Variants in ARMC8 observed in about 807,000 individuals in gnomAD.
The protein encoded by ARMC8 is armadillo repeat-containing protein 8.
ARMC8 carries 20 observed loss-of-function variants against 99.3 expected under a neutral mutation model. That is an observed-to-expected ratio of 0.20 (90% CI 0.14 to 0.29). The LOEUF (loss-of-function observed/expected upper bound fraction) is 0.29, where lower values mean the gene tolerates loss of function less well. ARMC8 is among the 10% of genes least tolerant of loss of function. ARMC8 has a pLI of 1.00. For missense variants in ARMC8, 569 were observed against 809.5 expected (o/e 0.70, Z 3.60); for synonymous variants, 263 against 278.3 (o/e 0.95, Z 0.55).
rs1576686064 is a variant in ARMC8 at position 138,229,178 on chromosome 3, A to ATATATATATATATATGTATGTATATG, written c.528+173_528+174insATATATATATGTATGTATATGTATAT. The ATATATATATATATATGTATGTATATG allele has an allele frequency of 6.2e-5, 2 of 32,078 alleles. 1 individual carries two copies. Among genetic ancestry groups the ATATATATATATATATGTATGTATATG allele is most frequent in the Non-Finnish European group, 1.3e-4 (2 of 15,544 alleles). 2.0% of individuals were successfully genotyped at this position (32,078 alleles called of 1,614,324 possible). ...TATATATATATATATATATATATAT[A>ATATATATATATATATGTATGTATATG]TATATGTATATGTATATGTATATGT... On this transcript the variant is annotated intron_variant, in intron 6 of 21. Coordinates refer to ENST00000469044, the MANE Select transcript of ARMC8 (RefSeq NM_001363941.2).
chr3:138,263,914 A>G (rs1560010742), intron 13 of ARMC8, 93 bp downstream of exon 13: 14 of 1,209,824 alleles, frequency 1.2e-5, no homozygotes, highest in Non-Finnish European at 1.6e-5. Context: ...CAGACTACAA[A>G]TGTTCCTCAA....
At chr3:138,208,242 C>T (rs568384956) in intron 1 of ARMC8, among the ~76,000 whole-genome samples, 8 of 152,146 alleles carry the variant, frequency 5.3e-5, no homozygotes, top group East Asian at 3.9e-4. Flanking sequence ...CCAAGGCGGG[C>T]GGATCACGAG....
chr3:138,225,960 A>G (rs903655151), intron 5 of ARMC8, among the ~76,000 whole-genome samples: 1 of 152,154 alleles, frequency 6.6e-6, no homozygotes, highest in Non-Finnish European at 1.5e-5. Context: ...CACCTCACAC[A>G]GTAGGGAGCA....
intron 6 of ARMC8, among the ~76,000 whole-genome samples, chr3:138,234,708 A>T (rs2046241342): frequency 6.6e-6 from 1 of 152,206 alleles, no homozygotes. Context: ...CTGTGGTGGC[A>T]TTCTATTTAA....
rs747721067 is a variant in ARMC8, at chr3:138,264,200, A to G, written c.1287A>G (p.Lys429=). The change falls in exon 14 of 22, where the codon AAA becomes AAG. Residue 429 remains lysine, a synonymous_variant. Coordinates refer to ENST00000469044, the MANE Select transcript of ARMC8 (RefSeq NM_001363941.2). ...GTTTCCAGGATCATGCTGTTTGGAA[A>G]CCTTTAATGAAGGTAAGAAGAAAGG... is the stretch of plus-strand genomic sequence containing the variant. The part of the protein sequence containing the change: ...RTSFQDHAVW[K]PLMKVLQNAP... 2 of 1,613,670 alleles carry G rather than the reference A, an allele frequency of 1.2e-6. No individual in the cohort carries two copies. Among genetic ancestry groups the G allele is most frequent in the South Asian group, 2.2e-5 (2 of 91,052 alleles).
At chr3:138,295,815 T>A (rs1228801150) in intron 21 of ARMC8, 44 bp from the exon 22 acceptor site, 1 of 1,609,064 alleles carries the variant, frequency 6.2e-7, no homozygotes, top group Admixed American at 1.7e-5. Context: ...TTTACCCCAA[T>A]TACAATTCTG....
At chr3:138,226,000 T>C (rs374975959) in intron 5 of ARMC8, among the ~76,000 whole-genome samples, 8 of 152,266 alleles carry the variant, frequency 5.3e-5, no homozygotes, top group African/African-American at 1.9e-4. Context: ...TATTTTCTTT[T>C]ATTTATTTTT....
intron 10 of ARMC8, among the ~76,000 whole-genome samples, chr3:138,240,499 T>C (rs2046558927): frequency 6.6e-6 from 1 of 152,356 alleles, no homozygotes; most frequent in Middle Eastern, 3.4e-3. Flanking sequence ...GTTAGTAGTA[T>C]ATTCTTCACA....
chr3:138,252,327 A>G (rs1332974458), intron 12 of ARMC8, among the ~76,000 whole-genome samples: 1 of 152,150 alleles, frequency 6.6e-6, no homozygotes, highest in Non-Finnish European at 1.5e-5. Context: ...GTTTTGCACT[A>G]CCGAGGCAAG....
At chr3:138,189,148 A>G (rs2107930942) in intron 1 of ARMC8, among the ~76,000 whole-genome samples, 1 of 152,256 alleles carries the variant, frequency 6.6e-6, no homozygotes, top group South Asian at 2.1e-4. Flanking sequence ...ATATGATTGA[A>G]AGTTTTCATT....
At chr3:138,222,834 G>A (rs902518829) in intron 3 of ARMC8, among the ~76,000 whole-genome samples, 1 of 152,176 alleles carries the variant, frequency 6.6e-6, no homozygotes, top group Non-Finnish European at 1.5e-5. Context: ...GTTAGGGTTT[G>A]GGGAGTATTT....
intron 1 of ARMC8, among the ~76,000 whole-genome samples, chr3:138,190,544 C>T (rs1247303694): frequency 3.3e-5 from 5 of 152,200 alleles, no homozygotes; most frequent in South Asian, 2.1e-4. Flanking sequence ...CCACCTTGGC[C>T]TCCCAAAGTG....
intron 18 of ARMC8, among the ~76,000 whole-genome samples, chr3:138,277,913 C>CAA (rs1317537196): frequency 4.6e-5 from 7 of 152,156 alleles, no homozygotes; most frequent in Non-Finnish European, 8.8e-5. Flanking sequence ...ATATCACAGT[C>CAA]ACAATAAAGA....
intron 1 of ARMC8, among the ~76,000 whole-genome samples, chr3:138,208,102 G>A (rs73227558): frequency 1.0e-5 from 1 of 96,704 alleles, no homozygotes; most frequent in African/African-American, 3.0e-5. Context: ...TTTTTTTTTT[G>A]TTGTTGTTGT....
chr3:138,272,599 A>G (rs903679233), intron 16 of ARMC8, among the ~76,000 whole-genome samples: 9 of 152,240 alleles, frequency 5.9e-5, no homozygotes, highest in African/African-American at 9.6e-5. Context: ...AGAGTTGGCC[A>G]AGCCTGGTGG....
intron 12 of ARMC8, among the ~76,000 whole-genome samples, chr3:138,254,781 G>A (rs887515629): frequency 1.3e-5 from 2 of 152,194 alleles, no homozygotes; most frequent in Non-Finnish European, 2.9e-5. Flanking sequence ...TCCACAAAGT[G>A]TAGAGAAGTT....
At chr3:138,195,493 A>G (rs985038249) in intron 1 of ARMC8, among the ~76,000 whole-genome samples, 3 of 152,126 alleles carry the variant, frequency 2.0e-5, no homozygotes, top group African/African-American at 7.2e-5. Flanking sequence ...TCAGAAACAC[A>G]TTTATGTAGG....
At chr3:138,291,616 A>C (rs186171909) in intron 21 of ARMC8, among the ~76,000 whole-genome samples, 137 of 152,362 alleles carry the variant, frequency 9.0e-4, no homozygotes, top group African/African-American at 3.2e-3. Flanking sequence ...GAGAGGTACC[A>C]TGAAGAAAAA....
chr3:138,244,975 G>A, intron 11 of ARMC8, 113 bp from the exon 12 acceptor site: 1 of 1,294,890 alleles, frequency 7.7e-7, no homozygotes, highest in African/African-American at 1.5e-5. Flanking sequence ...TTAATGACTG[G>A]GAAATTCACT....
Sources: allele counts gnomAD v4.1 joint callset (sites outside exome capture counted in the v4.1 genomes callset), GRCh38; gene constraint gnomAD v4.1.1; transcripts MANE v1.5; gene names NCBI Gene and HGNC (gene_info 2026-07-23, HGNC 2026-07-21).